Variants in RIMS1 observed in about 807,000 individuals in gnomAD.
RIMS1 encodes the protein regulating synaptic membrane exocytosis 1, also known as regulating synaptic membrane exocytosis protein 1.
Under a neutral mutation model 214.1 loss-of-function variants are expected in RIMS1, and 83 were observed. The ratio of observed to expected loss-of-function variants is 0.39; its 90% CI spans 0.32 to 0.47. RIMS1 has a LOEUF of 0.47. Ranked by LOEUF, RIMS1 falls within the 20% of genes least tolerant of loss-of-function variation. The pLI, the probability that RIMS1 is intolerant of heterozygous loss-of-function variation, is 0.99. For synonymous variants in RIMS1, 793 were observed against 786.8 expected (o/e 1.01, Z -0.13); for missense variants, 2,050 against 2,161.8 (o/e 0.95, Z 1.03).
intron 22 of RIMS1, among the ~76,000 whole-genome samples, chr6:72,270,808 G>C (rs1162020988): frequency 6.6e-6 from 1 of 151,976 alleles, no homozygotes; most frequent in South Asian, 2.1e-4. Flanking sequence ...TCTTTACCAT[G>C]GTCACCTATC....
intron 2 of RIMS1, among the ~76,000 whole-genome samples, chr6:72,038,473 T>G (rs1372853351): frequency 1.3e-5 from 2 of 152,086 alleles, no homozygotes; most frequent in African/African-American, 4.8e-5. Flanking sequence ...AAAGACGTGT[T>G]AGGGCTTAAA....
At chr6:72,341,840 A>G (rs2097104075) in intron 29 of RIMS1, among the ~76,000 whole-genome samples, 1 of 151,814 alleles carries the variant, frequency 6.6e-6, no homozygotes. Context: ...TAGTAAAATT[A>G]TTTATTATAT....
At chr6:72,180,075 G>C (rs2048211494) in intron 5 of RIMS1, among the ~76,000 whole-genome samples, 160 bp downstream of exon 5, 1 of 152,224 alleles carries the variant, frequency 6.6e-6, no homozygotes, top group South Asian at 2.1e-4. Context: ...TCTATCTCTA[G>C]AATGTATTCC....
chr6:72,168,592 G>C (rs1400561738), intron 4 of RIMS1, among the ~76,000 whole-genome samples: 1 of 152,110 alleles, frequency 6.6e-6, no homozygotes, highest in Non-Finnish European at 1.5e-5. Flanking sequence ...TCCTTTACCA[G>C]TCTAGCATTC....
intron 8 of RIMS1, among the ~76,000 whole-genome samples, chr6:72,236,764 C>G (rs544326331): frequency 3.6e-5 from 5 of 137,462 alleles, no homozygotes; most frequent in Non-Finnish European, 7.7e-5. Flanking sequence ...TACATCAACA[C>G]TAACAATAGC....
intron 1 of RIMS1, among the ~76,000 whole-genome samples, chr6:71,967,453 G>T (rs780365571): frequency 1.3e-5 from 2 of 152,058 alleles, no homozygotes; most frequent in Non-Finnish European, 2.9e-5. Flanking sequence ...AAAGATTTTC[G>T]AATGCTTTGA....
chr6:71,943,340 A>C (rs1786764911), intron 1 of RIMS1, among the ~76,000 whole-genome samples: 1 of 152,148 alleles, frequency 6.6e-6, no homozygotes, highest in African/African-American at 2.4e-5. Flanking sequence ...TGTTAATTTT[A>C]AGGTTGTCTA....
At chr6:72,080,988 G>A (rs539171231) in intron 2 of RIMS1, among the ~76,000 whole-genome samples, 99 of 152,286 alleles carry the variant, frequency 6.5e-4, no homozygotes, top group African/African-American at 2.3e-3. Context: ...AGGGCAAAGG[G>A]CAATAAAACT....
At chr6:72,290,459 G>A (rs1177593340) in intron 24 of RIMS1, among the ~76,000 whole-genome samples, 2 of 152,184 alleles carry the variant, frequency 1.3e-5, no homozygotes, top group African/African-American at 2.4e-5. Flanking sequence ...TATTACATTA[G>A]AGCAACACCA....
At chr6:72,346,257 CA>C (rs771884220) in intron 29 of RIMS1, among the ~76,000 whole-genome samples, 2 of 151,754 alleles carry the variant, frequency 1.3e-5, no homozygotes, top group Non-Finnish European at 3.0e-5. Context: ...GAAAAGGTAT[CA>C]GTGACATCGT....
chr6:72,011,274 A>G (rs1489384369), intron 2 of RIMS1, among the ~76,000 whole-genome samples: 2 of 152,250 alleles, frequency 1.3e-5, no homozygotes, highest in African/African-American at 2.4e-5. Context: ...CTGGCTAGCC[A>G]TATGTAGAAA....
intron 11 of RIMS1, among the ~76,000 whole-genome samples, chr6:72,247,450 G>C (rs2070618146): frequency 6.7e-6 from 1 of 149,704 alleles, no homozygotes; most frequent in Admixed American, 6.8e-5. Flanking sequence ...CAGAAGAATT[G>C]CTTGAACCTG....
chr6:72,019,587 T>C (rs1813919595), intron 2 of RIMS1, among the ~76,000 whole-genome samples: 2 of 152,312 alleles, frequency 1.3e-5, no homozygotes, highest in African/African-American at 2.4e-5. Context: ...TGTGGATTTA[T>C]ATTTTGGATT....
Position 72,237,819 on chromosome 6 carries a change from C to A in RIMS1, c.1858-4C>A. ...TGGAAACTTATAAATTTGTAATTAT[C>A]CAGGTTGTTGGAGGAAAAATGACTG... On this transcript the variant is annotated splice_polypyrimidine_tract_variant and splice_region_variant and intron_variant, in intron 8 of 33. Coordinates refer to ENST00000521978, the MANE Select transcript of RIMS1 (RefSeq NM_014989.7). The A allele has an allele frequency of 6.2e-7, 1 of 1,606,356 alleles. No individual in the cohort carries two copies. The highest frequency in any genetic ancestry group is 8.5e-7 in the Non-Finnish European group (1 of 1,173,402).
chr6:71,925,562 A>G (rs17567416), intron 1 of RIMS1, among the ~76,000 whole-genome samples: 15,998 of 152,254 alleles, frequency 0.11, 1,137 homozygotes, highest in Middle Eastern at 0.18. Context: ...CTAAGTTGGA[A>G]TATCTATTTG....
intron 2 of RIMS1, among the ~76,000 whole-genome samples, chr6:72,001,959 C>T (rs1805409447): frequency 6.6e-6 from 1 of 151,952 alleles, no homozygotes; most frequent in African/African-American, 2.4e-5. Context: ...TTCATTTTAT[C>T]TTCATATCTC....
chr6:72,214,059 C>T (rs1009451613), intron 6 of RIMS1, among the ~76,000 whole-genome samples: 17 of 152,118 alleles, frequency 1.1e-4, no homozygotes, highest in African/African-American at 4.1e-4. Flanking sequence ...TAGACAGTGG[C>T]TCCAGTGAAT....
At chr6:72,288,807 G>T (rs578142174) in intron 24 of RIMS1, among the ~76,000 whole-genome samples, 23 of 152,136 alleles carry the variant, frequency 1.5e-4, no homozygotes, top group South Asian at 4.2e-4. Flanking sequence ...CTTCTCCTTT[G>T]GTCTGTGATC....
At chr6:72,075,315 C>T (rs1177544603) in intron 2 of RIMS1, among the ~76,000 whole-genome samples, 1 of 152,042 alleles carries the variant, frequency 6.6e-6, no homozygotes, top group Admixed American at 6.6e-5. Context: ...ACTAGTTTTT[C>T]CAGGCTGGTT....
Sources: allele counts gnomAD v4.1 joint callset (sites outside exome capture counted in the v4.1 genomes callset), GRCh38; gene constraint gnomAD v4.1.1; transcripts MANE v1.5; gene names NCBI Gene and HGNC (gene_info 2026-07-23, HGNC 2026-07-21).